The following P3H2 variants were observed in gnomAD, a reference collection of about 807,000 sequenced individuals.
P3H2 encodes prolyl 3-hydroxylase 2, also known as leprecan-like 1.
Under a neutral mutation model 87.0 loss-of-function variants are expected in P3H2, and 80 were observed. The observed-to-expected ratio is 0.92, with a 90% CI of 0.77 to 1.11. The LOEUF (loss-of-function observed/expected upper bound fraction) is 1.11, where lower values mean the gene tolerates loss of function less well. P3H2 is among the 50% of genes least tolerant of loss of function. The probability of loss-of-function intolerance (pLI) is 0.00; values close to 1 mark genes in which losing one functional copy is unlikely to be tolerated. For synonymous variants in P3H2, 367 were observed against 359.3 expected, an observed-to-expected ratio of 1.02 and a Z score of -0.24; for missense variants, 1,001 against 923.9, an observed-to-expected ratio of 1.08 and a Z score of -1.08.
Position 190,120,689 on chromosome 3 carries a change from G to A in P3H2, c.43C>T (p.Pro15Ser). 6.6e-7 allele frequency: 1 copy of A among 1,505,774 alleles called. No homozygotes were observed. The highest frequency in any genetic ancestry group is 8.8e-7 in the Non-Finnish European group (1 of 1,132,858). 93.3% of individuals were successfully genotyped at this position (1,505,774 alleles called of 1,614,324 possible). ...CACAGTGGCGGCGGCAGTAGCAGCG[G>A]CAGCAGCAGCAGCAGCGGCGGCGCC... ...IWAPPLLLLL[P>S]LLLPPPLWGG... The change falls in exon 1 of 15, where the codon CCG becomes TCG. Residue 15 changes from proline to serine, a missense_variant. Pro to Ser is a moderately conservative substitution (Grantham distance 74). Transcript: ENST00000319332.
At chr3:190,100,802 G>C (rs948776974) in intron 1 of P3H2, among the ~76,000 whole-genome samples, 3 of 151,964 alleles carry the variant, frequency 2.0e-5, no homozygotes, top group Non-Finnish European at 2.9e-5. Flanking sequence ...GTAAATACAG[G>C]CATACCGCTT....
At chr3:190,120,090 C>T (rs1202940614) in intron 1 of P3H2, among the ~76,000 whole-genome samples, 162 bp downstream of exon 1, 2 of 152,200 alleles carry the variant, frequency 1.3e-5, no homozygotes, top group Non-Finnish European at 2.9e-5. Flanking sequence ...TTGTTGCATA[C>T]AGAGATAGGG....
chr3:190,073,723 A>G (rs552423299), intron 1 of P3H2, among the ~76,000 whole-genome samples: 1 of 152,354 alleles, frequency 6.6e-6, no homozygotes, highest in Admixed American at 6.5e-5. Flanking sequence ...AGTGGTATAT[A>G]TACATCCAAT....
At chr3:190,030,351 G>A (rs190401781) in intron 1 of P3H2, among the ~76,000 whole-genome samples, 3 of 152,240 alleles carry the variant, frequency 2.0e-5, no homozygotes, top group African/African-American at 7.2e-5. Flanking sequence ...GCTGGCACAT[G>A]GCTTGAGCCC....
chr3:189,973,842 T>C (rs1228624272), intron 10 of P3H2, 67 bp downstream of exon 10: 1 of 1,212,398 alleles, frequency 8.2e-7, no homozygotes, highest in Non-Finnish European at 1.2e-6. Flanking sequence ...CTTTCTTATA[T>C]CTGCCATTTA....
intron 1 of P3H2, among the ~76,000 whole-genome samples, chr3:190,082,050 T>C (rs1727061278): frequency 1.3e-5 from 2 of 152,046 alleles, no homozygotes; most frequent in South Asian, 2.1e-4. Context: ...GATCAGGAGT[T>C]TTCGTGACCA....
intron 1 of P3H2, among the ~76,000 whole-genome samples, chr3:190,082,668 A>G (rs1160999411): frequency 6.6e-6 from 1 of 152,160 alleles, no homozygotes; most frequent in Non-Finnish European, 1.5e-5. Context: ...TATTCCCTTT[A>G]TTGAACTGTA....
chr3:189,966,593 T>C (rs979242025), intron 13 of P3H2, among the ~76,000 whole-genome samples: 1 of 152,224 alleles, frequency 6.6e-6, no homozygotes, highest in Non-Finnish European at 1.5e-5. Flanking sequence ...GTGACATTGT[T>C]TCTACAGCAA....
At chr3:189,984,712 C>A in intron 6 of P3H2, 122 bp from the exon 7 acceptor site, 1 of 713,216 alleles carries the variant, frequency 1.4e-6, no homozygotes, top group Non-Finnish European at 2.4e-6. Context: ...AGGAATTTTG[C>A]ATATTGTGTA....
At chr3:190,081,962 C>T (rs1727057687) in intron 1 of P3H2, among the ~76,000 whole-genome samples, 1 of 151,854 alleles carries the variant, frequency 6.6e-6, no homozygotes, top group Non-Finnish European at 1.5e-5. Context: ...AAACAATGGC[C>T]TTAGCTTGTG....
intron 1 of P3H2, among the ~76,000 whole-genome samples, chr3:190,010,216 A>G (rs1054403463): frequency 1.3e-5 from 2 of 152,220 alleles, no homozygotes; most frequent in South Asian, 4.1e-4. Context: ...AGATATTCAT[A>G]TCCCAATTTT....
intron 1 of P3H2, among the ~76,000 whole-genome samples, chr3:190,028,108 A>T (rs187133686): frequency 1.1e-3 from 168 of 152,204 alleles, no homozygotes; most frequent in Non-Finnish European, 1.7e-3. Flanking sequence ...ATTTCCACAT[A>T]TTTCTAGAAG....
intron 1 of P3H2, among the ~76,000 whole-genome samples, chr3:190,002,151 T>G (rs908894868): frequency 6.6e-6 from 1 of 152,170 alleles, no homozygotes; most frequent in African/African-American, 2.4e-5. Flanking sequence ...TATTTCACAG[T>G]TACTGATGAT....
intron 1 of P3H2, among the ~76,000 whole-genome samples, chr3:190,095,681 A>G (rs1195302864): frequency 2.0e-5 from 3 of 150,730 alleles, no homozygotes; most frequent in Non-Finnish European, 2.9e-5. Context: ...GCTCACTGCA[A>G]GCTCCGCCTC....
At chr3:189,999,129 T>C (rs1685735095) in intron 1 of P3H2, among the ~76,000 whole-genome samples, 1 of 152,256 alleles carries the variant, frequency 6.6e-6, no homozygotes, top group Non-Finnish European at 1.5e-5. Context: ...TCATCATTCA[T>C]ACTGAGAGCT....
Position 189,995,418 on chromosome 3 carries a change from C to G in P3H2, c.505G>C (p.Glu169Gln), listed in dbSNP as rs1431700475. ...GCCACGAAAAATGTGTGAGCTGCTT[C>G]CACTGCTTTTTCGAGCTGGTTAAGC... ...IKLNQLEKAV[E>Q]AAHTFFVANP... Residue 169 changes from glutamate to glutamine, a missense_variant, in exon 2 of 15, where the codon GAA becomes CAA. Glu to Gln is a conservative substitution (Grantham distance 29, BLOSUM62 2). Transcript: ENST00000319332. 6.2e-7 allele frequency: 1 copy of G among 1,613,732 alleles called. No homozygotes were observed. The highest frequency in any genetic ancestry group is 1.3e-5 in the African/African-American group (1 of 74,864).
At chr3:190,014,830 T>C (rs1724700302) in intron 1 of P3H2, among the ~76,000 whole-genome samples, 1 of 152,052 alleles carries the variant, frequency 6.6e-6, no homozygotes, top group Non-Finnish European at 1.5e-5. Flanking sequence ...ACTTCCTTAC[T>C]AGACTTGTGA....
intron 1 of P3H2, among the ~76,000 whole-genome samples, chr3:190,044,609 C>T (rs765605832): frequency 1.4e-4 from 22 of 152,214 alleles, no homozygotes; most frequent in Non-Finnish European, 2.1e-4. Context: ...ACACTATACA[C>T]TAACAACTTC....
At chr3:190,101,792 A>C (rs1191935638) in intron 1 of P3H2, among the ~76,000 whole-genome samples, 2 of 152,234 alleles carry the variant, frequency 1.3e-5, no homozygotes, top group African/African-American at 4.8e-5. Context: ...TAGATAAAGC[A>C]TCTTCTTGGA....
Sources: allele counts gnomAD v4.1 joint callset (sites outside exome capture counted in the v4.1 genomes callset), GRCh38; gene constraint gnomAD v4.1.1; transcripts MANE v1.5; gene names NCBI Gene and HGNC (gene_info 2026-07-23, HGNC 2026-07-21).